Variants in PSD3 observed in about 807,000 individuals in gnomAD.
PSD3 encodes PH and SEC7 domain-containing protein 3.
PSD3 carries 49 observed loss-of-function variants against 105.5 expected under a neutral mutation model. The observed-to-expected ratio is 0.46, with a 90% CI of 0.37 to 0.59. PSD3 has a LOEUF of 0.59. Among genes scored for constraint, PSD3 ranks in the 20% least tolerant of loss-of-function variants. The probability of loss-of-function intolerance (pLI) is 0.00; values close to 1 mark genes in which losing one functional copy is unlikely to be tolerated. For missense variants in PSD3, 1,561 were observed against 1,263.8 expected (o/e 1.24, Z -3.57); for synonymous variants, 557 against 457.8 (o/e 1.22, Z -2.77).
intron 9 of PSD3, among the ~76,000 whole-genome samples, chr8:18,740,241 T>A (rs1213345332): frequency 1.3e-5 from 2 of 152,214 alleles, no homozygotes; most frequent in African/African-American, 4.8e-5. Context: ...TGACAGCTCC[T>A]GCTGTGTTAA....
chr8:18,689,402 C>A, intron 9 of PSD3, among the ~76,000 whole-genome samples: 1 of 152,150 alleles, frequency 6.6e-6, no homozygotes, highest in East Asian at 1.9e-4. Context: ...CTAAGAAAAT[C>A]TCACAGAACC....
intron 11 of PSD3, among the ~76,000 whole-genome samples, chr8:18,632,244 C>T (rs139355133): frequency 6.6e-6 from 1 of 152,084 alleles, no homozygotes; most frequent in South Asian, 2.1e-4. Context: ...CAACCTTTCC[C>T]TCAACCACCA....
intron 1 of PSD3, among the ~76,000 whole-genome samples, chr8:18,967,833 G>A (rs1053866843): frequency 3.9e-5 from 6 of 152,218 alleles, no homozygotes; most frequent in African/African-American, 1.4e-4. Context: ...TCAGGTGACG[G>A]AAGATACAGG....
intron 1 of PSD3, among the ~76,000 whole-genome samples, chr8:18,999,375 G>T (rs1176818079): frequency 2.0e-5 from 3 of 151,912 alleles, no homozygotes; most frequent in Non-Finnish European, 4.4e-5. Flanking sequence ...GAAAAAATCA[G>T]TACCTGGCGC....
At chr8:18,829,059 T>C (rs915277952) in intron 4 of PSD3, among the ~76,000 whole-genome samples, 3 of 151,588 alleles carry the variant, frequency 2.0e-5, no homozygotes, top group Non-Finnish European at 4.4e-5. Flanking sequence ...GGCGACAGAG[T>C]GAGACTCCGT....
chr8:18,911,729 GATAT>G (rs139257200), intron 2 of PSD3, among the ~76,000 whole-genome samples: 1 of 151,736 alleles, frequency 6.6e-6, no homozygotes. Flanking sequence ...ATAACTCAGG[GATAT>G]ATATATAGAC....
At chr8:18,904,933 T>G (rs903030376) in intron 2 of PSD3, among the ~76,000 whole-genome samples, 4 of 152,242 alleles carry the variant, frequency 2.6e-5, no homozygotes, top group Non-Finnish European at 5.9e-5. Flanking sequence ...CAAGAACTTT[T>G]GCAATCTGGC....
At chr8:19,013,912 G>C (rs954254971), upstream of PSD3, 2 of 154,684 alleles carry the variant, frequency 1.3e-5, no homozygotes, top group Admixed American at 1.3e-4. Flanking sequence ...GGCGGGGGCG[G>C]GGTCTCCAGG....
intron 1 of PSD3, among the ~76,000 whole-genome samples, chr8:18,941,665 CTTTTTTTTTTTT>C (rs869259596): frequency 6.5e-5 from 7 of 107,744 alleles, no homozygotes; most frequent in Non-Finnish European, 1.2e-4. Context: ...TGTAGAATGA[CTTTTTTTTTTTT>C]TTTTTTTTTT....
chr8:18,781,892 T>C (rs545166020), intron 8 of PSD3, among the ~76,000 whole-genome samples: 2 of 152,138 alleles, frequency 1.3e-5, no homozygotes, highest in African/African-American at 4.8e-5. Context: ...TTATTTTTTT[T>C]AAAAATGTTA....
intron 11 of PSD3, among the ~76,000 whole-genome samples, chr8:18,608,759 A>G (rs1283012743): frequency 6.6e-6 from 1 of 152,198 alleles, no homozygotes; most frequent in Non-Finnish European, 1.5e-5. Flanking sequence ...TAATGGATTT[A>G]TGCCAGAAAA....
At chr8:19,010,912 C>T (rs994512205) in intron 1 of PSD3, among the ~76,000 whole-genome samples, 2 of 151,512 alleles carry the variant, frequency 1.3e-5, no homozygotes, top group African/African-American at 4.9e-5. Context: ...CCAGACGGTC[C>T]GGGAAGAACC....
At chr8:19,062,725 C>T (rs1444109938) in intron 1 of PSD3, among the ~76,000 whole-genome samples, 1 of 152,158 alleles carries the variant, frequency 6.6e-6, no homozygotes, top group African/African-American at 2.4e-5. Context: ...CACTTAAAGT[C>T]CACATTTTTG....
At chr8:18,806,220 C>T (rs1586071730) in intron 4 of PSD3, among the ~76,000 whole-genome samples, 1 of 152,224 alleles carries the variant, frequency 6.6e-6, no homozygotes, top group Non-Finnish European at 1.5e-5. Flanking sequence ...GGTGCCGCTG[C>T]CTTAAGTTCT....
chr8:18,872,024 GTGCTCTCTCCCAAGAGCAGACCTC>G lies in PSD3; in HGVS notation c.816_839del (p.Gln272_Glu279del). 3 of 1,614,076 alleles carry G rather than the reference GTGCTCTCTCCCAAGAGCAGACCTC, an allele frequency of 1.9e-6. No individual in the cohort carries two copies. The highest frequency in any genetic ancestry group is 2.5e-6 in the Non-Finnish European group (3 of 1,180,026). ...AGCTGCTTCGATCACATCCCCCTGG[GTGCTCTCTCCCAAGAGCAGACCTC>G]TGCTCTTTCAAGAAACCAACACTGC... On this transcript the variant is annotated inframe_deletion, in exon 3 of 16. Transcript: ENST00000327040.
At chr8:18,656,541 T>C (rs1162603951) in intron 9 of PSD3, among the ~76,000 whole-genome samples, 1 of 152,118 alleles carries the variant, frequency 6.6e-6, no homozygotes, top group East Asian at 1.9e-4. Flanking sequence ...TGCCTTACAG[T>C]TAAGTATTAC....
intron 4 of PSD3, among the ~76,000 whole-genome samples, chr8:18,851,918 G>C (rs940069810): frequency 7.9e-5 from 12 of 152,074 alleles, no homozygotes; most frequent in Non-Finnish European, 1.3e-4. Flanking sequence ...TTGAAAACTA[G>C]ATCAAAATTC....
intron 1 of PSD3, among the ~76,000 whole-genome samples, chr8:18,972,037 C>A (rs1338152844): frequency 1.3e-5 from 2 of 152,026 alleles, no homozygotes; most frequent in African/African-American, 4.8e-5. Flanking sequence ...TATAAAGAGT[C>A]AGATGAAGAT....
intron 8 of PSD3, among the ~76,000 whole-genome samples, chr8:18,770,296 T>A (rs554228307): frequency 6.6e-6 from 1 of 152,366 alleles, no homozygotes; most frequent in East Asian, 1.9e-4. Context: ...GTTAAAATCC[T>A]ATTTTCCCTT....
Sources: allele counts gnomAD v4.1 joint callset (sites outside exome capture counted in the v4.1 genomes callset), GRCh38; gene constraint gnomAD v4.1.1; transcripts MANE v1.5; gene names NCBI Gene and HGNC (gene_info 2026-07-23, HGNC 2026-07-21).